PHOX2A: variants seen among roughly 807,000 people sequenced by gnomAD.
The protein encoded by PHOX2A is paired like homeobox 2A, also known as paired mesoderm homeobox protein 2A.
PHOX2A carries 10 observed loss-of-function variants against 16.4 expected under a neutral mutation model. The observed-to-expected ratio is 0.61, with a 90% CI of 0.38 to 1.04. PHOX2A has a LOEUF of 1.04. PHOX2A is among the 50% of genes least tolerant of loss of function. The pLI, the probability that PHOX2A is intolerant of heterozygous loss-of-function variation, is 0.01. For synonymous variants in PHOX2A, 219 were observed against 203.8 expected (o/e 1.07, Z -0.64); for missense variants, 361 against 419.4 (o/e 0.86, Z 1.22).
chr11:72,241,228 G>A lies in PHOX2A; in HGVS notation c.279C>T (p.Ile93=). The A allele has an allele frequency of 6.2e-7, 1 of 1,612,512 alleles. No individual in the cohort carries two copies. The highest frequency in any genetic ancestry group is 8.5e-7 in the Non-Finnish European group (1 of 1,179,512). The change falls in exon 2 of 3, where the codon ATC becomes ATT. Residue 93 remains isoleucine (I), a synonymous_variant. Transcript: ENST00000298231. ...GCTGCGCGCTGGTGAACGTGGTGCGGATGCGCCGCTGCTTGCGCTTCTCGT... is the reference window on the plus strand; with the variant it reads ...GCTGCGCGCTGGTGAACGTGGTGCGAATGCGCCGCTGCTTGCGCTTCTCGT... ...GLHEKRKQRR[I]RTTFTSAQLK...
chr11:72,241,055 C>T, intron 2 of PHOX2A, 47 bp downstream of exon 2: 1 of 1,593,184 alleles, frequency 6.3e-7, no homozygotes. Context: ...TAAGCTCCCA[C>T]ACCTCCTTCC....
chr11:72,243,919 T>C lies in PHOX2A; in HGVS notation c.86A>G (p.Gln29Arg). 7.7e-7 allele frequency: 1 copy of C among 1,300,116 alleles called. No individual in the cohort carries two copies. The highest frequency in any genetic ancestry group is 3.0e-5 in the East Asian group (1 of 33,852). The allele number at this position is 1,300,116 out of a possible 1,614,324, so 80.5% of individuals were successfully genotyped here. A position where few individuals can be genotyped will look rare whatever the true frequency, so the allele number is the denominator to read the frequency against. ...GGGGCTGTATTGGAAGCCGCCGGGCTGGCTGCAGGCGCCAAAGTCGCCGTA... is the reference window on the plus strand; with the variant it reads ...GGGGCTGTATTGGAAGCCGCCGGGCCGGCTGCAGGCGCCAAAGTCGCCGTA... Reference protein sequence around the residue: ...SAYGDFGACSQPGGFQYSPLR... With the variant: ...SAYGDFGACSRPGGFQYSPLR... The change falls in exon 1 of 3, where the codon CAG (glutamine) becomes CGG (arginine). Residue 29 changes from glutamine to arginine, a missense_variant. By Grantham distance (43) the Gln-to-Arg change is conservative. Transcript: ENST00000298231.
chr11:72,239,837 G>T lies in PHOX2A; in HGVS notation c.767C>A (p.Pro256Gln), dbSNP rs1041507260. The T allele has an allele frequency of 1.1e-5, 15 of 1,371,840 alleles. No homozygotes were observed. In the East Asian group the frequency reaches 4.5e-4, roughly 41 times the overall value. The allele number at this position is 1,371,840 out of a possible 1,614,324, so 85.0% of individuals were successfully genotyped here. Residue 256 changes from proline to glutamine, a missense_variant, in exon 3 of 3, where the codon CCG becomes CAG. Pro to Gln is a moderately conservative substitution (Grantham distance 76). Transcript: ENST00000298231. ...GAAELLKAWQPAESGPGPFSG... is the reference protein window; with the variant it reads ...GAAELLKAWQQAESGPGPFSG... ...GAAGGGCCCGGGGCCGGACTCCGCC[G>T]GCTGCCAAGCCTTAAGTAGTTCGGC...
At chr11:72,240,614 G>A (rs1017692573) in intron 2 of PHOX2A, among the ~76,000 whole-genome samples, 2 of 152,228 alleles carry the variant, frequency 1.3e-5, no homozygotes, top group African/African-American at 4.8e-5. Flanking sequence ...GTCAAGGCGG[G>A]CCAACTGAAC....
Position 72,239,587 on chromosome 11 carries a change from C to G in PHOX2A, c.*162G>C, listed in dbSNP as rs1195017159. 1.3e-5 allele frequency: 6 copies of G among 473,882 alleles called. No homozygotes were observed. Among genetic ancestry groups the G allele is most frequent in the African/African-American group, 1.2e-4 (6 of 49,698 alleles). The allele number at this position is 473,882 out of a possible 1,614,324, so 29.4% of individuals were successfully genotyped here. ...TGGGTGAGGACGAGAGTGGCCCTGA[C>G]TTGGTCTCCAAAGTTGGGGAGGACA... On this transcript the variant is annotated 3_prime_UTR_variant, in exon 3 of 3. Transcript: ENST00000298231.
At chr11:72,241,009 T>A in intron 2 of PHOX2A, 93 bp downstream of exon 2, 2 of 1,367,350 alleles carry the variant, frequency 1.5e-6, no homozygotes, top group Non-Finnish European at 2.0e-6. Flanking sequence ...TCGGGCTGCA[T>A]CTGCCTGTAT....
chr11:72,240,315 C>G (rs1006166502), intron 2 of PHOX2A, 117 bp from the exon 3 acceptor site: 50 of 1,404,198 alleles, frequency 3.6e-5, no homozygotes, highest in Non-Finnish European at 4.4e-5. Context: ...CGGGTTCTTA[C>G]TAGTTGGAGG....
chr11:72,242,310 T>C (rs1203197233), intron 1 of PHOX2A, among the ~76,000 whole-genome samples: 1 of 152,186 alleles, frequency 6.6e-6, no homozygotes, highest in Non-Finnish European at 1.5e-5. Flanking sequence ...CCCCTGATTC[T>C]TGTCTCCAGC....
chr11:72,240,260 G>A lies in PHOX2A; in HGVS notation c.406-62C>T, dbSNP rs1590727133. 4 of 1,520,330 alleles carry A rather than the reference G, an allele frequency of 2.6e-6. No homozygotes were observed. In the East Asian group the frequency reaches 1.0e-4, roughly 38 times the overall value. The allele number at this position is 1,520,330 out of a possible 1,614,324, so 94.2% of individuals were successfully genotyped here. On this transcript the variant is annotated intron_variant, in intron 2 of 2. Coordinates refer to ENST00000298231, the MANE Select transcript of PHOX2A (RefSeq NM_005169.4). Reference sequence around the variant, plus strand: ...CGGAGAACGCACGGGGTCAGCCCGCGGCCGCAAGGCTCGAGTGAGATCCTG... The same window carrying A: ...CGGAGAACGCACGGGGTCAGCCCGCAGCCGCAAGGCTCGAGTGAGATCCTG...
chr11:72,243,556 T>G (rs1475230123), intron 1 of PHOX2A, among the ~76,000 whole-genome samples: 1 of 152,082 alleles, frequency 6.6e-6, no homozygotes, highest in Non-Finnish European at 1.5e-5. Context: ...TTCCTTGACC[T>G]GAAGGGCACG....
In PHOX2A at chr11:72,240,300, G is replaced by C. The variant is rs887888382; in HGVS notation, c.406-102C>G. 108 of 1,458,660 alleles carry C rather than the reference G, an allele frequency of 7.4e-5. 1 individual carries two copies. Among genetic ancestry groups the C allele is most frequent in the Non-Finnish European group, 9.2e-5 (101 of 1,099,482 alleles). The allele number at this position is 1,458,660 out of a possible 1,614,324, so 90.4% of individuals were successfully genotyped here. A position where few individuals can be genotyped will look rare whatever the true frequency, so the allele number is the denominator to read the frequency against. On this transcript the variant is annotated intron_variant, in intron 2 of 2. Coordinates refer to ENST00000298231, the MANE Select transcript of PHOX2A (RefSeq NM_005169.4). ...GTGAGATCCTGGTTCGGAAAGAACC[G>C]GGCCCGGGTTCTTACTAGTTGGAGG...
At chr11:72,243,391 TGG>T (rs1456896521) in intron 1 of PHOX2A, among the ~76,000 whole-genome samples, 2 of 151,534 alleles carry the variant, frequency 1.3e-5, no homozygotes. Flanking sequence ...ATGCATCTCG[TGG>T]GGCAGCGGTG....
In PHOX2A at chr11:72,239,734, T is replaced by G. The variant is rs1382325883; in HGVS notation, c.*15A>C. 1.5e-6 allele frequency: 2 copies of G among 1,306,910 alleles called. No individual in the cohort carries two copies. The highest frequency in any genetic ancestry group is 3.0e-5 in the African/African-American group (2 of 66,130). 81.0% of individuals were successfully genotyped at this position (1,306,910 alleles called of 1,614,324 possible). ...CGTCTCTGGGGGCAGGCTCGGAGCCTCCAGAGGCCGGCAGCTAGAAGAGAT... is the reference window on the plus strand; with the variant it reads ...CGTCTCTGGGGGCAGGCTCGGAGCCGCCAGAGGCCGGCAGCTAGAAGAGAT... On this transcript the variant is annotated 3_prime_UTR_variant, in exon 3 of 3. Coordinates refer to ENST00000298231, the MANE Select transcript of PHOX2A (RefSeq NM_005169.4).
Position 72,241,161 on chromosome 11 carries a change from C to T in PHOX2A, c.346G>A (p.Asp116Asn). ...ERVFAETHYP[D>N]IYTREELALK... ...GCCAGCTCCTCACGCGTGTAAATGT[C>T]GGGGTAGTGGGTCTCAGCGAAAACG... The change falls in exon 2 of 3, where the codon GAC (aspartate) becomes AAC (asparagine). Residue 116 changes from aspartate (D) to asparagine (N), a missense_variant. Coordinates refer to ENST00000298231, the MANE Select transcript of PHOX2A (RefSeq NM_005169.4). The T allele has an allele frequency of 6.2e-7, 1 of 1,614,036 alleles. No homozygotes were observed. Among genetic ancestry groups the T allele is most frequent in the South Asian group, 1.1e-5 (1 of 91,090 alleles).
intron 1 of PHOX2A, 143 bp from the exon 2 acceptor site, chr11:72,241,432 C>T: frequency 1.6e-6 from 1 of 621,436 alleles, no homozygotes; most frequent in Non-Finnish European, 2.8e-6. Context: ...GTCCCGGCAG[C>T]CTGGGGCCGA....
At position 72,239,877 on chromosome 11, in the gene PHOX2A, G is replaced by GCCCGCCGCC. The variant is rs1949099482; in HGVS notation, c.718_726dup (p.Gly240_Gly242dup). 5.9e-6 allele frequency: 8 copies of GCCCGCCGCC among 1,363,280 alleles called. No homozygotes were observed. In the South Asian group the frequency reaches 1.1e-4, roughly 19 times the overall value. 84.4% of individuals were successfully genotyped at this position (1,363,280 alleles called of 1,614,324 possible). A position where few individuals can be genotyped will look rare whatever the true frequency, so the allele number is the denominator to read the frequency against. On this transcript the variant is annotated inframe_insertion, in exon 3 of 3. Transcript: ENST00000298231. The stretch of plus-strand genomic sequence containing the variant: ...AGTAGTTCGGCCGCTCCCGCGCCAG[G>GCCCGCCGCC]CCCGCCGCCCCCACCGCCCGCCACA...
Position 72,239,878 on chromosome 11 carries a change from C to A in PHOX2A, c.726G>T (p.Gly242=). ...WAGVAGGGGG[G]PGAGAAELLK... ...GTAGTTCGGCCGCTCCCGCGCCAGG[C>A]CCGCCGCCCCCACCGCCCGCCACAC... The change falls in exon 3 of 3, where the codon GGG becomes GGT. Residue 242 remains glycine (G), a synonymous_variant. Transcript: ENST00000298231. 1 of 1,364,552 alleles carries A rather than the reference C, an allele frequency of 7.3e-7. No homozygotes were observed. Among genetic ancestry groups the A allele is most frequent in the Admixed American group, 2.9e-5 (1 of 34,378 alleles). The allele number at this position is 1,364,552 out of a possible 1,614,324, so 84.5% of individuals were successfully genotyped here.
intron 2 of PHOX2A, among the ~76,000 whole-genome samples, chr11:72,240,634 C>T (rs879370889): frequency 3.3e-5 from 5 of 152,230 alleles, no homozygotes; most frequent in Admixed American, 2.6e-4. Flanking sequence ...CATCTGTACA[C>T]GGAGTTGTAC....
intron 1 of PHOX2A, among the ~76,000 whole-genome samples, chr11:72,242,292 C>G (rs1450419054): frequency 1.3e-5 from 2 of 152,100 alleles, no homozygotes; most frequent in African/African-American, 2.4e-5. Flanking sequence ...CCATCCAGGC[C>G]TCCATCTCCC....
Sources: gnomAD v4.1 joint callset for allele counts (sites outside exome capture counted in the v4.1 genomes callset) on GRCh38, gnomAD v4.1.1 for gene constraint, MANE v1.5 for transcripts, NCBI Gene and HGNC (gene_info 2026-07-23, HGNC 2026-07-21) for gene names.